Variants in ANLN observed in about 807,000 individuals in gnomAD.
ANLN encodes the protein anillin, actin binding protein, also known as anillin.
In ANLN, 59 loss-of-function variants were observed where a neutral mutation model predicts 135.1. The ratio of observed to expected loss-of-function variants is 0.44; its 90% CI spans 0.35 to 0.54. The LOEUF is 0.54. Ranked by LOEUF, ANLN falls within the 20% of genes least tolerant of loss-of-function variation. The probability of loss-of-function intolerance (pLI) is 0.00; values close to 1 mark genes in which losing one functional copy is unlikely to be tolerated. For synonymous variants in ANLN, 406 were observed against 456.4 expected (o/e 0.89, Z 1.41); for missense variants, 1,182 against 1,340.0 (o/e 0.88, Z 1.84).
intron 20 of ANLN, among the ~76,000 whole-genome samples, chr7:36,427,363 TTTTTTTTG>T (rs1022428187): frequency 9.3e-5 from 14 of 150,084 alleles, no homozygotes; most frequent in South Asian, 8.5e-4. Context: ...TTCTTTGTGG[TTTTTTTTG>T]TTTTTTTGTT....
intron 1 of ANLN, chr7:36,390,514 A>G (rs1786400124): frequency 6.1e-6 from 1 of 164,516 alleles, no homozygotes. Context: ...ATGCTAATGA[A>G]ATGACAGCAA....
At chr7:36,429,290 G>A (rs10281831) in intron 20 of ANLN, among the ~76,000 whole-genome samples, 17,869 of 151,672 alleles carry the variant, frequency 0.12, 1,093 homozygotes, top group East Asian at 0.19. Context: ...GCACGATCTC[G>A]GCTCACTACA....
chr7:36,435,852 G>A (rs564925121), intron 20 of ANLN, among the ~76,000 whole-genome samples: 1,371 of 115,822 alleles, frequency 0.012, 17 homozygotes, highest in Non-Finnish European at 0.017. Context: ...CAGCCTGGGC[G>A]ACAGAGCGAG....
At chr7:36,396,893 A>G (rs980062758) in intron 2 of ANLN, among the ~76,000 whole-genome samples, 3 of 152,154 alleles carry the variant, frequency 2.0e-5, no homozygotes, top group African/African-American at 7.2e-5. Flanking sequence ...TCTAAAGTTT[A>G]GGTTGTTAAT....
chr7:36,432,658 A>G (rs906450236), intron 20 of ANLN, among the ~76,000 whole-genome samples: 16 of 152,064 alleles, frequency 1.1e-4, no homozygotes, highest in African/African-American at 1.4e-4. Flanking sequence ...TTTGTTTTCT[A>G]TTTGTTTCGT....
At chr7:36,446,281 C>T (rs1455622741) in intron 22 of ANLN, among the ~76,000 whole-genome samples, 1 of 152,088 alleles carries the variant, frequency 6.6e-6, no homozygotes, top group Non-Finnish European at 1.5e-5. Context: ...GAGTTTTATA[C>T]TTCACATTTA....
rs117870899 is a variant in ANLN, at chr7:36,416,051, C to T, written c.1522+167C>T. 0.02 allele frequency among the ~76,000 whole-genome samples: 3,009 copies of T among 152,174 alleles called. 48 individuals carry two copies. The highest frequency in any genetic ancestry group is 0.054 in the Middle Eastern group (16 of 294). ...CACTTTTCTTTGAGATGGATTCTTG[C>T]CCTGTTGCCCATGCTGGAGTGCAAT... On this transcript the variant is annotated intron_variant, in intron 8 of 23. Transcript: ENST00000265748.
At chr7:36,412,775 C>T (rs1787477954) in intron 7 of ANLN, among the ~76,000 whole-genome samples, 1 of 152,212 alleles carries the variant, frequency 6.6e-6, no homozygotes, top group Non-Finnish European at 1.5e-5. Flanking sequence ...CACTGCTCCT[C>T]CACAGGTATG....
chr7:36,449,840 A>G lies in ANLN; in HGVS notation c.3251+3A>G, dbSNP rs1789171290. 1 of 1,612,696 alleles carries G rather than the reference A, an allele frequency of 6.2e-7. No homozygotes were observed. Among genetic ancestry groups the G allele is most frequent in the Non-Finnish European group, 8.5e-7 (1 of 1,179,398 alleles). ...AGGGACACACTCTGTGTTACCAAGT[A>G]TGTATTGGCCTATAAATATTTCTAT... On this transcript the variant is annotated splice_donor_region_variant and intron_variant, in intron 23 of 23. Coordinates refer to ENST00000265748, the MANE Select transcript of ANLN (RefSeq NM_018685.5).
chr7:36,411,290 C>T (rs1195018903), intron 7 of ANLN, 124 bp downstream of exon 7: 4 of 724,972 alleles, frequency 5.5e-6, no homozygotes, highest in Middle Eastern at 2.8e-4. Flanking sequence ...TGTCACTTTT[C>T]GTTTATAAAT....
At chr7:36,411,193 G>T (rs368391089) in intron 7 of ANLN, 27 bp downstream of exon 7, 1 of 1,557,364 alleles carries the variant, frequency 6.4e-7, no homozygotes, top group Non-Finnish European at 8.7e-7. Flanking sequence ...ATATAAAAAC[G>T]AACTTGGTCC....
intron 10 of ANLN, among the ~76,000 whole-genome samples, 187 bp from the exon 11 acceptor site, chr7:36,419,982 T>A (rs924060317): frequency 2.0e-5 from 3 of 152,220 alleles, no homozygotes; most frequent in African/African-American, 7.2e-5. Flanking sequence ...AAGTATAAGT[T>A]TCAGCTGTCT....
chr7:36,442,793 G>T (rs1032865897), intron 21 of ANLN, among the ~76,000 whole-genome samples: 2 of 151,876 alleles, frequency 1.3e-5, no homozygotes, highest in Non-Finnish European at 2.9e-5. Flanking sequence ...CGCCACGCCT[G>T]GCTAATTTTT....
intron 20 of ANLN, among the ~76,000 whole-genome samples, chr7:36,436,036 G>T (rs1046692856): frequency 9.2e-5 from 14 of 151,866 alleles, no homozygotes; most frequent in Non-Finnish European, 1.9e-4. Flanking sequence ...TCACAATGTT[G>T]TTCAAAATAC....
In ANLN at chr7:36,399,402, T is replaced by A; in HGVS notation, c.487+9T>A. 1 of 1,587,018 alleles carries A rather than the reference T, an allele frequency of 6.3e-7. No homozygotes were observed. The highest frequency in any genetic ancestry group is 8.6e-7 in the Non-Finnish European group (1 of 1,165,310). Reference sequence around the variant, plus strand: ...TAATGATGATATGACAGGTATGAATTGTATAGATGGTATGGCCCATACATC... The same window carrying A: ...TAATGATGATATGACAGGTATGAATAGTATAGATGGTATGGCCCATACATC... On this transcript the variant is annotated intron_variant, in intron 3 of 23. Transcript: ENST00000265748.
At chr7:36,431,617 A>ATAT (rs141380630) in intron 20 of ANLN, among the ~76,000 whole-genome samples, 4,534 of 66,900 alleles carry the variant, frequency 0.068, 468 homozygotes, top group Middle Eastern at 0.098. Context: ...ATATATATAT[A>ATAT]ATATATATAT....
intron 18 of ANLN, 89 bp from the exon 19 acceptor site, chr7:36,425,924 TAA>T: frequency 8.2e-7 from 1 of 1,224,234 alleles, no homozygotes; most frequent in South Asian, 1.4e-5. Flanking sequence ...CTTATTGTGT[TAA>T]AAGAGATGAG....
chr7:36,410,335 T>G (rs1158062875), intron 5 of ANLN, among the ~76,000 whole-genome samples, 179 bp from the exon 6 acceptor site: 1 of 152,136 alleles, frequency 6.6e-6, no homozygotes, highest in Admixed American at 6.5e-5. Context: ...GGCATGTACT[T>G]AAATAGAATA....
chr7:36,431,618 A>G (rs1454837892), intron 20 of ANLN, among the ~76,000 whole-genome samples: 141 of 2,522 alleles, frequency 0.056, no homozygotes, highest in Middle Eastern at 0.17. Context: ...TATATATATA[A>G]TATATATATA....
Sources: gnomAD v4.1 joint callset for allele counts (sites outside exome capture counted in the v4.1 genomes callset) on GRCh38, gnomAD v4.1.1 for gene constraint, MANE v1.5 for transcripts, NCBI Gene and HGNC (gene_info 2026-07-23, HGNC 2026-07-21) for gene names.